The following NPHS2 variants were observed in gnomAD, a reference collection of about 807,000 sequenced individuals.
NPHS2 encodes the protein NPHS2 stomatin family member, podocin.
In NPHS2, 36 loss-of-function variants were observed where a neutral mutation model predicts 37.1. The observed-to-expected ratio is 0.97, with a 90% CI of 0.74 to 1.28. The LOEUF is 1.28. Ranked by LOEUF, NPHS2 falls within the 50% of genes most tolerant of loss-of-function variation. The pLI is 0.00. For synonymous variants in NPHS2, 196 were observed against 189.3 expected, an observed-to-expected ratio of 1.04 and a Z score of -0.29; for missense variants, 447 against 488.1, an observed-to-expected ratio of 0.92 and a Z score of 0.79.
rs1674521023 is a variant in NPHS2, at chr1:179,570,667, G to A, written c.274+4924C>T. ...ATGGCCAGTTTTGGGGCCAGTTTAT[G>A]GCCAGATTTTGAGGGGCCTGCTCCC... is the stretch of plus-strand genomic sequence containing the variant. On this transcript the variant is annotated intron_variant, in intron 1 of 7. Transcript: ENST00000367615. Among the ~76,000 whole-genome samples, 3 of 152,192 alleles carry A rather than the reference G, an allele frequency of 2.0e-5. No individual in the cohort carries two copies. The South Asian group carries it at 6.2e-4, about 32-fold the overall frequency.
chr1:179,575,945 G>A lies in NPHS2; in HGVS notation c.-81C>T. The A allele has an allele frequency of 1.6e-6, 2 of 1,251,604 alleles. No individual in the cohort carries two copies. Among genetic ancestry groups the A allele is most frequent in the Non-Finnish European group, 2.0e-6 (2 of 986,786 alleles). The allele number at this position is 1,251,604 out of a possible 1,614,324, so 77.5% of individuals were successfully genotyped here. ...GCGCAGTCCCTGTGGAGTCGCTGCG[G>A]GTCCGCGTGGCGTGCCCGGGGGACC... On this transcript the variant is annotated 5_prime_UTR_variant, in exon 1 of 8. Transcript: ENST00000367615.
chr1:179,575,394 G>A (rs554728011), intron 1 of NPHS2, among the ~76,000 whole-genome samples, 197 bp downstream of exon 1: 12 of 152,260 alleles, frequency 7.9e-5, no homozygotes, highest in South Asian at 6.2e-4. Flanking sequence ...AGTGATATTT[G>A]TATTTCTTCT....
In NPHS2 at chr1:179,551,316, T is replaced by G. The variant is rs745758471; in HGVS notation, c.1009A>C (p.Thr337Pro). The stretch of plus-strand genomic sequence containing the variant: ...TCAAATGGCAAAGGTAAAACCACAG[T>G]GGAAGGCTTCTCTGTGGACAGAGAC... ...LQSLSTEKPS[T>P]VVLPLPFDLL... The change falls in exon 8 of 8, where the codon ACT becomes CCT. Residue 337 changes from threonine to proline, a missense_variant. Coordinates refer to ENST00000367615, the MANE Select transcript of NPHS2 (RefSeq NM_014625.4). 1 of 1,614,022 alleles carries G rather than the reference T, an allele frequency of 6.2e-7. No individual in the cohort carries two copies. Among genetic ancestry groups the G allele is most frequent in the Non-Finnish European group, 8.5e-7 (1 of 1,179,984 alleles).
At chr1:179,563,517 C>G (rs2125789290) in intron 2 of NPHS2, among the ~76,000 whole-genome samples, 1 of 152,310 alleles carries the variant, frequency 6.6e-6, no homozygotes, top group South Asian at 2.1e-4. Context: ...ATAATACATT[C>G]TTTTCCAGCA....
intron 2 of NPHS2, 145 bp downstream of exon 2, chr1:179,564,545 G>A (rs1674262588): frequency 1.3e-6 from 1 of 751,234 alleles, no homozygotes. Context: ...TCTTGGAGGA[G>A]TAAGCTATCC....
chr1:179,562,208 C>A (rs78343709), intron 2 of NPHS2, among the ~76,000 whole-genome samples: 1,591 of 152,266 alleles, frequency 0.01, 54 homozygotes, highest in Admixed American at 0.066. Flanking sequence ...CAAAAAGAAT[C>A]TGGAGAATGT....
At chr1:179,575,160 A>C (rs1469025548) in intron 1 of NPHS2, among the ~76,000 whole-genome samples, 1 of 152,172 alleles carries the variant, frequency 6.6e-6, no homozygotes, top group African/African-American at 2.4e-5. Context: ...CAGAAGTTTA[A>C]AATGCTTTTA....
intron 2 of NPHS2, among the ~76,000 whole-genome samples, chr1:179,561,890 C>T (rs1377087084): frequency 6.6e-6 from 1 of 152,098 alleles, no homozygotes; most frequent in Non-Finnish European, 1.5e-5. Flanking sequence ...ACTGCAACCT[C>T]TGCCTCCCGG....
At position 179,557,085 on chromosome 1, in the gene NPHS2, G is replaced by C; in HGVS notation, c.680C>G (p.Ala227Gly). The part of the protein sequence containing the change: ...LVQTTMKRLL[A>G]HRSLTEILLE... ...AAGAATTTCAGTGAGGGATCGATGTGCTAGGAGACGCTTCATAGTGGTTTG... is the reference window on the plus strand; with the variant it reads ...AAGAATTTCAGTGAGGGATCGATGTCCTAGGAGACGCTTCATAGTGGTTTG... The change falls in exon 5 of 8, where the codon GCA (alanine) becomes GGA (glycine). Residue 227 changes from alanine (A) to glycine (G), a missense_variant. By Grantham distance (60) the Ala-to-Gly change is moderately conservative. Coordinates refer to ENST00000367615, the MANE Select transcript of NPHS2 (RefSeq NM_014625.4). 6.2e-7 allele frequency: 1 copy of C among 1,614,074 alleles called. No homozygotes were observed. Among genetic ancestry groups the C allele is most frequent in the Non-Finnish European group, 8.5e-7 (1 of 1,179,980 alleles).
intron 1 of NPHS2, 146 bp downstream of exon 1, chr1:179,575,445 C>A: frequency 1.8e-6 from 2 of 1,098,508 alleles, no homozygotes; most frequent in East Asian, 5.1e-5. Context: ...GGGTTCCTAA[C>A]TTACGCCCTT....
Position 179,575,768 on chromosome 1 carries a change from C to G in NPHS2, c.97G>C (p.Gly33Arg). 6.7e-7 allele frequency: 1 copy of G among 1,496,424 alleles called. No homozygotes were observed. Among genetic ancestry groups the G allele is most frequent in the South Asian group, 1.3e-5 (1 of 78,266 alleles). 92.7% of individuals were successfully genotyped at this position (1,496,424 alleles called of 1,614,324 possible). A position where few individuals can be genotyped will look rare whatever the true frequency, so the allele number is the denominator to read the frequency against. ...ENKRAKAERS[G>R]GGRGRQEAGP... is the part of the protein sequence containing the mutation. ...GCCTCCTGGCGCCCGCGGCCTCCGCCGCTCCTCTCGGCCTTTGCCCTCTTG... is the reference window on the plus strand; with the variant it reads ...GCCTCCTGGCGCCCGCGGCCTCCGCGGCTCCTCTCGGCCTTTGCCCTCTTG... Residue 33 changes from glycine to arginine, a missense_variant, in exon 1 of 8, where the codon GGC becomes CGC. Transcript: ENST00000367615.
chr1:179,568,845 A>G (rs1042962698), intron 1 of NPHS2, among the ~76,000 whole-genome samples: 1 of 152,130 alleles, frequency 6.6e-6, no homozygotes, highest in Non-Finnish European at 1.5e-5. Flanking sequence ...TTCAGTTTCC[A>G]TGTAGTTGTG....
intron 1 of NPHS2, among the ~76,000 whole-genome samples, chr1:179,573,212 A>T (rs1674628356): frequency 6.6e-6 from 1 of 152,218 alleles, no homozygotes; most frequent in South Asian, 2.1e-4. Context: ...TGCCCCAGAA[A>T]GGTCACCACC....
Position 179,569,550 on chromosome 1 carries a change from T to G in NPHS2, c.275-4757A>C, listed in dbSNP as rs568642965. On this transcript the variant is annotated intron_variant, in intron 1 of 7. Transcript: ENST00000367615. ...CATTTAGCCCACTTACATTTAAGGT[T>G]AATATTGTTATATGTGAATTTGATC... Among the ~76,000 whole-genome samples the G allele has an allele frequency of 1.1e-4, 16 of 152,328 alleles. No homozygotes were observed. The East Asian group carries it at 2.7e-3, about 26-fold the overall frequency.
intron 2 of NPHS2, 75 bp downstream of exon 2, chr1:179,564,615 A>C: frequency 3.2e-6 from 4 of 1,232,018 alleles, no homozygotes; most frequent in Non-Finnish European, 4.8e-6. Flanking sequence ...ACCAGAAAAC[A>C]GAAGTGAGAA....
chr1:179,564,901 C>T, intron 1 of NPHS2, 108 bp from the exon 2 acceptor site: 1 of 874,242 alleles, frequency 1.1e-6, no homozygotes, highest in Non-Finnish European at 1.9e-6. Flanking sequence ...AACTTGGAGA[C>T]TTTGCTGGAA....
chr1:179,557,236 C>T lies in NPHS2; in HGVS notation c.535-6G>A, dbSNP rs1464033694. 41 of 1,613,244 alleles carry T rather than the reference C, an allele frequency of 2.5e-5. No individual in the cohort carries two copies. Among genetic ancestry groups the T allele is most frequent in the Non-Finnish European group, 3.4e-5 (40 of 1,179,480 alleles). Reference sequence around the variant, plus strand: ...AACATGTCTTTGGTCACGATCTAGGCAGAAAAAAGTTTGGATGACAGGCTT... The same window carrying T: ...AACATGTCTTTGGTCACGATCTAGGTAGAAAAAAGTTTGGATGACAGGCTT... On this transcript the variant is annotated splice_polypyrimidine_tract_variant and splice_region_variant and intron_variant, in intron 4 of 7. Transcript: ENST00000367615.
chr1:179,554,122 C>T (rs1351001796), intron 6 of NPHS2, among the ~76,000 whole-genome samples: 3 of 152,090 alleles, frequency 2.0e-5, no homozygotes, highest in African/African-American at 7.2e-5. Context: ...CCATGTTGGC[C>T]AGGCTGGTCT....
chr1:179,567,312 T>G (rs566117479), intron 1 of NPHS2, among the ~76,000 whole-genome samples: 1 of 152,338 alleles, frequency 6.6e-6, no homozygotes, highest in Admixed American at 6.5e-5. Flanking sequence ...CTAGGTATTT[T>G]ATTCTCTTTG....
Sources: allele counts gnomAD v4.1 joint callset (sites outside exome capture counted in the v4.1 genomes callset), GRCh38; gene constraint gnomAD v4.1.1; transcripts MANE v1.5; gene names NCBI Gene and HGNC (gene_info 2026-07-23, HGNC 2026-07-21).